The following MCTP1 variants were observed in gnomAD, a reference collection of about 807,000 sequenced individuals.
MCTP1 encodes multiple C2 and transmembrane domain containing 1, also known as multiple C2 and transmembrane domain-containing protein 1.
A neutral mutation model predicts 120.6 loss-of-function variants in MCTP1; 69 were observed. The ratio of observed to expected loss-of-function variants is 0.57; its 90% confidence interval spans 0.47 to 0.70. MCTP1 has a LOEUF of 0.70. Ranked by LOEUF, MCTP1 falls within the 30% of genes least tolerant of loss-of-function variation. The pLI, the probability that MCTP1 is intolerant of heterozygous loss-of-function variation, is 0.00. For synonymous variants in MCTP1, 529 were observed against 493.1 expected (o/e 1.07, Z -0.96); for missense variants, 1,203 against 1,248.8 (o/e 0.96, Z 0.55).
intron 10 of MCTP1, among the ~76,000 whole-genome samples, chr5:94,907,835 C>A: frequency 1.3e-5 from 2 of 151,430 alleles, no homozygotes; most frequent in South Asian, 2.1e-4. Flanking sequence ...TAATGTATAC[C>A]TAGAAATACA....
chr5:95,093,867 T>G (rs948111730), intron 1 of MCTP1, among the ~76,000 whole-genome samples: 2 of 152,198 alleles, frequency 1.3e-5, no homozygotes, highest in Non-Finnish European at 2.9e-5. Flanking sequence ...TCTCATTCCC[T>G]TGAGGGCTTG....
At chr5:94,806,756 C>T (rs568495437) in intron 17 of MCTP1, among the ~76,000 whole-genome samples, 1 of 152,308 alleles carries the variant, frequency 6.6e-6, no homozygotes, top group South Asian at 2.1e-4. Flanking sequence ...GGAAAAAAGC[C>T]TGCCCTTTCA....
Position 94,888,867 on chromosome 5 carries a change from A to G in MCTP1, c.1933+12T>C. The stretch of plus-strand genomic sequence containing the variant: ...TTGATCTGAGCAATAGGAGAATTGC[A>G]TCATCTCTTACCAGTGACGTCGGCA... On this transcript the variant is annotated intron_variant, in intron 12 of 22. Transcript: ENST00000515393. The G allele has an allele frequency of 6.4e-7, 1 of 1,571,666 alleles. No homozygotes were observed. The highest frequency in any genetic ancestry group is 8.8e-7 in the Non-Finnish European group (1 of 1,141,604).
intron 1 of MCTP1, among the ~76,000 whole-genome samples, chr5:95,197,459 T>C (rs1023392967): frequency 6.6e-6 from 1 of 152,168 alleles, no homozygotes; most frequent in African/African-American, 2.4e-5. Context: ...GGAAGCAACA[T>C]AGATCATCAT....
intron 1 of MCTP1, among the ~76,000 whole-genome samples, chr5:95,191,244 A>G (rs553214808): frequency 6.6e-6 from 1 of 152,136 alleles, no homozygotes; most frequent in East Asian, 1.9e-4. Context: ...TGTGTTTACT[A>G]TAGTCATCCT....
chr5:94,742,529 C>T (rs2152756339), intron 19 of MCTP1, among the ~76,000 whole-genome samples: 1 of 152,318 alleles, frequency 6.6e-6, no homozygotes, highest in East Asian at 1.9e-4. Flanking sequence ...CAAGTGCTCC[C>T]TGGGTCTTAG....
chr5:95,192,757 G>A (rs1017053988), intron 1 of MCTP1, among the ~76,000 whole-genome samples: 2 of 152,056 alleles, frequency 1.3e-5, no homozygotes, highest in Admixed American at 6.6e-5. Flanking sequence ...TAATTAAAGA[G>A]TATCAGAGGA....
intron 1 of MCTP1, among the ~76,000 whole-genome samples, chr5:95,177,377 C>T (rs1483273260): frequency 6.6e-6 from 1 of 152,084 alleles, no homozygotes; most frequent in Non-Finnish European, 1.5e-5. Flanking sequence ...GAAAGTCCAT[C>T]TAAGATTTAG....
intron 17 of MCTP1, among the ~76,000 whole-genome samples, chr5:94,862,659 C>T (rs183017564): frequency 6.9e-4 from 105 of 151,764 alleles, no homozygotes; most frequent in Non-Finnish European, 1.1e-3. Flanking sequence ...TCATTTGTAC[C>T]TTATACTCTT....
At chr5:94,898,235 GTATT>G (rs1053198383) in intron 10 of MCTP1, among the ~76,000 whole-genome samples, 10 of 152,158 alleles carry the variant, frequency 6.6e-5, no homozygotes, top group Non-Finnish European at 1.3e-4. Context: ...AGCCAAGAAA[GTATT>G]TAATGACTTC....
intron 17 of MCTP1, among the ~76,000 whole-genome samples, chr5:94,817,402 G>A (rs927112566): frequency 2.1e-5 from 3 of 142,882 alleles, no homozygotes; most frequent in Non-Finnish European, 4.5e-5. Flanking sequence ...TGAGACTCTT[G>A]TCTCAAAACA....
rs907819819 is a variant in MCTP1 at position 95,240,027 on chromosome 5, G to A, written c.720+43829C>T. Among the ~76,000 whole-genome samples the A allele has an allele frequency of 1.8e-4, 27 of 152,042 alleles. 1 individual carries two copies. In the South Asian group the frequency reaches 5.6e-3, roughly 32 times the overall value. On this transcript the variant is annotated intron_variant, in intron 1 of 22. Coordinates refer to ENST00000515393, the MANE Select transcript of MCTP1 (RefSeq NM_024717.7). Reference sequence around the variant, plus strand: ...TTGGAAATATACTATGATCTCATCTGTATTATTATTCTTTGCATTGGCATT... The same window carrying A: ...TTGGAAATATACTATGATCTCATCTATATTATTATTCTTTGCATTGGCATT...
intron 17 of MCTP1, among the ~76,000 whole-genome samples, chr5:94,813,098 T>C (rs1783784844): frequency 6.6e-6 from 1 of 152,268 alleles, no homozygotes; most frequent in South Asian, 2.1e-4. Flanking sequence ...AGGACTTGTA[T>C]TCAGAGTATG....
chr5:95,027,799 G>A (rs1294078441), intron 1 of MCTP1, among the ~76,000 whole-genome samples: 1 of 152,172 alleles, frequency 6.6e-6, no homozygotes, highest in Non-Finnish European at 1.5e-5. Context: ...CAGCTTCAAT[G>A]AGTCCTTGGC....
At chr5:94,949,056 A>T (rs1581511894) in intron 3 of MCTP1, among the ~76,000 whole-genome samples, 2 of 152,174 alleles carry the variant, frequency 1.3e-5, no homozygotes, top group African/African-American at 4.8e-5. Flanking sequence ...CCATACAATT[A>T]TTTTTCTAAT....
intron 2 of MCTP1, among the ~76,000 whole-genome samples, chr5:95,015,570 A>G (rs1478802232): frequency 2.0e-5 from 3 of 152,128 alleles, no homozygotes; most frequent in Admixed American, 2.0e-4. Context: ...TTTGGTAGAA[A>G]TGAGAAGACA....
chr5:94,874,424 C>T (rs1291333658), intron 12 of MCTP1, among the ~76,000 whole-genome samples: 2 of 152,070 alleles, frequency 1.3e-5, no homozygotes, highest in Admixed American at 6.6e-5. Flanking sequence ...GCTGTACAAA[C>T]TTTGACTCAC....
chr5:95,275,325 T>G (rs457568), intron 1 of MCTP1, among the ~76,000 whole-genome samples: 128,140 of 152,252 alleles, frequency 0.84, 54,081 homozygotes, highest in African/African-American at 0.91. Context: ...TATTAAAGAA[T>G]CTAGAAGCTC....
chr5:95,033,570 A>G (rs1209379748), intron 1 of MCTP1, among the ~76,000 whole-genome samples: 1 of 152,116 alleles, frequency 6.6e-6, no homozygotes, highest in Non-Finnish European at 1.5e-5. Context: ...CATTGAGGAA[A>G]CATATCTCAA....
Sources: gnomAD v4.1 joint callset for allele counts (sites outside exome capture counted in the v4.1 genomes callset) on GRCh38, gnomAD v4.1.1 for gene constraint, MANE v1.5 for transcripts, NCBI Gene and HGNC (gene_info 2026-07-23, HGNC 2026-07-21) for gene names.